ZNF721: variants seen among roughly 807,000 people sequenced by gnomAD.
The protein encoded by ZNF721 is zinc finger protein 721.
A neutral mutation model predicts 2.4 loss-of-function variants in ZNF721; 2 were observed. The observed-to-expected ratio is 0.82, with a 90% CI of 0.34 to 2.58. ZNF721 has a LOEUF of 2.58. ZNF721 is among the 30% of genes most tolerant of loss of function. The pLI, the probability that ZNF721 is intolerant of heterozygous loss-of-function variation, is 0.11. For missense variants in ZNF721, 1,187 were observed against 1,085.5 expected (o/e 1.09, Z -1.31); for synonymous variants, 398 against 381.8 (o/e 1.04, Z -0.50).
intron 2 of ZNF721, among the ~76,000 whole-genome samples, chr4:460,431 A>G (rs1229599002): frequency 6.6e-6 from 1 of 152,172 alleles, no homozygotes; most frequent in Non-Finnish European, 1.5e-5. Context: ...GTACACAGCC[A>G]AAGCAGTCTT....
chr4:462,513 C>T (rs7677447), intron 2 of ZNF721, among the ~76,000 whole-genome samples: 22,547 of 152,132 alleles, frequency 0.15, 2,314 homozygotes, highest in African/African-American at 0.29. Flanking sequence ...TACTACAAGG[C>T]TACAGGAACC....
intron 2 of ZNF721, among the ~76,000 whole-genome samples, chr4:445,339 A>G (rs1553864021): frequency 1.3e-5 from 2 of 152,154 alleles, no homozygotes; most frequent in African/African-American, 4.8e-5. Context: ...AAAAATAAAC[A>G]CAAAATTCCA....
intron 2 of ZNF721, among the ~76,000 whole-genome samples, chr4:461,289 C>T (rs1046800065): frequency 5.3e-5 from 8 of 152,270 alleles, no homozygotes; most frequent in Middle Eastern, 3.4e-3. Flanking sequence ...GCATGAAACA[C>T]TAGTTCAACA....
intron 2 of ZNF721, among the ~76,000 whole-genome samples, chr4:452,174 A>C (rs1714688568): frequency 6.6e-6 from 1 of 152,228 alleles, no homozygotes; most frequent in South Asian, 2.1e-4. Flanking sequence ...TTGCTGAAAA[A>C]AGCAGCTGTC....
chr4:491,060 T>A (rs529144247), intron 1 of ZNF721, among the ~76,000 whole-genome samples: 4 of 152,236 alleles, frequency 2.6e-5, no homozygotes, highest in Admixed American at 6.5e-5. Context: ...TGCCAACTCC[T>A]GTCTTCTTCC....
intron 1 of ZNF721, 70 bp from the exon 2 acceptor site, chr4:472,771 A>C (rs1715479068): frequency 6.3e-7 from 1 of 1,583,700 alleles, no homozygotes. Flanking sequence ...TAAGAGAACC[A>C]GTTCTGACAT....
At chr4:446,865 A>G (rs1714493051) in intron 2 of ZNF721, among the ~76,000 whole-genome samples, 1 of 151,272 alleles carries the variant, frequency 6.6e-6, no homozygotes, top group Non-Finnish European at 1.5e-5. Context: ...AAATTTTTGC[A>G]TTTCTGGTGA....
chr4:450,667 T>C (rs1444171409), intron 2 of ZNF721, among the ~76,000 whole-genome samples: 3 of 56,090 alleles, frequency 5.3e-5, no homozygotes, highest in Non-Finnish European at 1.1e-4. Context: ...CCGGGCGCGG[T>C]TGGCTCATGC....
Position 440,038 on chromosome 4 carries a change from T to G in ZNF721, c.*1657A>C, listed in dbSNP as rs1415009423. On this transcript the variant is annotated 3_prime_UTR_variant, in exon 3 of 3. Transcript: ENST00000511833. ...TCAAAAATTAAGTTCACACATTATC[T>G]TAAGAGAATTTTAAAATTTACTGCA... The G allele has an allele frequency of 2.0e-5, 3 of 150,338 alleles. No homozygotes were observed. The highest frequency in any genetic ancestry group is 7.5e-5 in the African/African-American group (3 of 39,900). 9.3% of individuals were successfully genotyped at this position (150,338 alleles called of 1,614,324 possible).
chr4:484,086 A>C (rs1312107025), intron 1 of ZNF721, among the ~76,000 whole-genome samples: 1 of 152,212 alleles, frequency 6.6e-6, no homozygotes, highest in Non-Finnish European at 1.5e-5. Flanking sequence ...AAGAACATGG[A>C]TTGTGAAGAT....
rs782568680 is a variant in ZNF721, at chr4:442,488, G to A, written c.1979C>T (p.Thr660Met). 1.6e-5 allele frequency: 26 copies of A among 1,608,590 alleles called. No homozygotes were observed. The highest frequency in any genetic ancestry group is 5.5e-5 in the African/African-American group (4 of 73,346). ...FAPSTDLNQH[T>M]KILTGEQSYK... ...ACTTTGCTCTCCAGTAAGAATTTTC[G>A]TGTGTTGATTCAGGTCTGTTGATGG... The change falls in exon 3 of 3, where the codon ACG becomes ATG. Residue 660 changes from threonine to methionine, a missense_variant. By Grantham distance (81) the Thr-to-Met change is moderately conservative. Coordinates refer to ENST00000511833, the MANE Select transcript of ZNF721 (RefSeq NM_133474.4).
At chr4:465,586 C>G (rs1437257482) in intron 2 of ZNF721, among the ~76,000 whole-genome samples, 2 of 151,988 alleles carry the variant, frequency 1.3e-5, no homozygotes, top group African/African-American at 4.8e-5. Context: ...CATCCACCAC[C>G]ATGCCCGGCT....
intron 1 of ZNF721, 60 bp downstream of exon 1, chr4:498,996 T>G: frequency 3.1e-6 from 1 of 324,414 alleles, no homozygotes; most frequent in Non-Finnish European, 5.8e-6. Flanking sequence ...AGTACTGGGA[T>G]TAAAGGCGTG....
chr4:497,026 G>A (rs1553872315), intron 1 of ZNF721, among the ~76,000 whole-genome samples: 2 of 151,858 alleles, frequency 1.3e-5, no homozygotes, highest in Non-Finnish European at 2.9e-5. Context: ...ACTTCTGAAC[G>A]CTCTAAGTGT....
intron 1 of ZNF721, among the ~76,000 whole-genome samples, 169 bp downstream of exon 1, chr4:498,887 G>A (rs1553873444): frequency 6.6e-6 from 1 of 152,160 alleles, no homozygotes; most frequent in South Asian, 2.1e-4. Context: ...ATCACGCCCC[G>A]CTAATTTTTT....
At chr4:465,288 G>A (rs1553866603) in intron 2 of ZNF721, among the ~76,000 whole-genome samples, 2 of 152,138 alleles carry the variant, frequency 1.3e-5, no homozygotes, top group African/African-American at 4.8e-5. Flanking sequence ...TTGGGAGGCT[G>A]AGATGGGAAA....
chr4:462,248 A>G (rs570092581), intron 2 of ZNF721, among the ~76,000 whole-genome samples: 7 of 152,340 alleles, frequency 4.6e-5, no homozygotes, highest in Admixed American at 2.6e-4. Context: ...GCTCAAGGAA[A>G]TAAGAGGACA....
At chr4:467,626 T>G (rs1553866936) in intron 2 of ZNF721, among the ~76,000 whole-genome samples, 1 of 152,230 alleles carries the variant, frequency 6.6e-6, no homozygotes, top group Admixed American at 6.5e-5. Context: ...CTGAGGATTA[T>G]GAAGCAGTTC....
chr4:473,140 G>A (rs1715491514), intron 1 of ZNF721, among the ~76,000 whole-genome samples: 1 of 152,100 alleles, frequency 6.6e-6, no homozygotes, highest in South Asian at 2.1e-4. Flanking sequence ...GGAAGACTGG[G>A]CTGAGAGTCA....
Sources: gnomAD v4.1 joint callset for allele counts (sites outside exome capture counted in the v4.1 genomes callset) on GRCh38, gnomAD v4.1.1 for gene constraint, MANE v1.5 for transcripts, NCBI Gene and HGNC (gene_info 2026-07-23, HGNC 2026-07-21) for gene names.